RUFY2: variants seen among roughly 807,000 people sequenced by gnomAD.
RUFY2 encodes the protein RUN and FYVE domain-containing protein 2.
A neutral mutation model predicts 94.4 loss-of-function variants in RUFY2; 49 were observed. The ratio of observed to expected loss-of-function variants is 0.52; its 90% CI spans 0.41 to 0.66. RUFY2 has a LOEUF of 0.66. RUFY2 is among the 30% of genes least tolerant of loss of function. The probability of loss-of-function intolerance (pLI) is 0.00; values close to 1 mark genes in which losing one functional copy is unlikely to be tolerated. For missense variants in RUFY2, 541 were observed against 692.8 expected, an observed-to-expected ratio of 0.78 and a Z score of 2.46; for synonymous variants, 255 against 235.7, an observed-to-expected ratio of 1.08 and a Z score of -0.75.
rs527887828 is a variant in RUFY2 at position 68,400,738 on chromosome 10, C to T, written c.296+882G>A. Among the ~76,000 whole-genome samples, 935 of 150,722 alleles carry T rather than the reference C, an allele frequency of 6.2e-3. 17 individuals are homozygous for T. The highest frequency in any genetic ancestry group is 0.022 in the African/African-American group (898 of 41,050). On this transcript the variant is annotated intron_variant, in intron 3 of 17. Transcript: ENST00000602465. Reference sequence around the variant, plus strand: ...AAAAAAAAAAAGAATATAGGCTTGGCGCGGTGGCTCACGCCTGTAATCCCA... The same window carrying T: ...AAAAAAAAAAAGAATATAGGCTTGGTGCGGTGGCTCACGCCTGTAATCCCA...
chr10:68,341,838 T>C (rs761323979), downstream of RUFY2: 1 of 1,610,364 alleles, frequency 6.2e-7, no homozygotes, highest in Non-Finnish European at 8.5e-7. Context: ...CTCCTGATGG[T>C]TTGGGTGGTT....
chr10:68,360,455 T>C (rs772510887), intron 15 of RUFY2, among the ~76,000 whole-genome samples: 3 of 151,828 alleles, frequency 2.0e-5, no homozygotes, highest in Non-Finnish European at 4.4e-5. Flanking sequence ...AAAAAAATAA[T>C]CTTTCAGGCC....
At chr10:68,370,782 T>C (rs1446268444) in intron 13 of RUFY2, among the ~76,000 whole-genome samples, 1 of 151,934 alleles carries the variant, frequency 6.6e-6, no homozygotes, top group African/African-American at 2.4e-5. Context: ...ATGAATGAAT[T>C]TGAAAATATA....
intron 1 of RUFY2, chr10:68,405,334 G>T (rs1171995176): frequency 1.3e-4 from 36 of 266,958 alleles, no homozygotes; most frequent in Non-Finnish European, 1.9e-4. Context: ...AAAAGAAAAA[G>T]AAAGAAAGAA....
Position 68,345,529 on chromosome 10 carries a change from C to A in RUFY2, c.*239G>T, listed in dbSNP as rs3781568. 0.13 allele frequency: 59,478 copies of A among 469,682 alleles called. 4,473 individuals carry two copies. The highest frequency in any genetic ancestry group is 0.22 in the South Asian group (4,473 of 20,558). 29.1% of individuals were successfully genotyped at this position (469,682 alleles called of 1,614,324 possible). ...TAAGGCAAGTTGTGTTAGCTCTGCT[C>A]TCTGGCCTTTTAATGAGTTACATGA... On this transcript the variant is annotated 3_prime_UTR_variant, in exon 18 of 18. Transcript: ENST00000602465.
At position 68,344,030 on chromosome 10, in the gene RUFY2, A is replaced by T. The variant is rs2046134441; in HGVS notation, c.*1738T>A. On this transcript the variant is annotated 3_prime_UTR_variant, in exon 18 of 18. Coordinates refer to ENST00000602465, the MANE Select transcript of RUFY2 (RefSeq NM_001330103.2). ...TTTTGTTTATTCAGTAATCATAAAA[A>T]TGTTAGCCCATCCCACCTATCAATA... 1 of 152,148 alleles carries T rather than the reference A, an allele frequency of 6.6e-6. No individual in the cohort carries two copies. Among genetic ancestry groups the T allele is most frequent in the African/African-American group, 2.4e-5 (1 of 41,446 alleles). The allele number at this position is 152,148 out of a possible 1,614,324, so 9.4% of individuals were successfully genotyped here.
intron 15 of RUFY2, among the ~76,000 whole-genome samples, chr10:68,362,123 A>C (rs1228760866): frequency 1.3e-5 from 2 of 152,036 alleles, no homozygotes; most frequent in Non-Finnish European, 2.9e-5. Context: ...CCAGGAGTTC[A>C]AGACCAGCCT....
intron 12 of RUFY2, chr10:68,377,811 CA>C (rs1002607667): frequency 3.0e-5 from 30 of 985,158 alleles, no homozygotes; most frequent in Non-Finnish European, 3.6e-5. Flanking sequence ...CAGGAAATCA[CA>C]AGAGAAATTT....
chr10:68,371,615 C>T (rs1385539158), intron 13 of RUFY2, among the ~76,000 whole-genome samples: 1 of 151,126 alleles, frequency 6.6e-6, no homozygotes. Context: ...ACCCAACATT[C>T]ACGGTATCAG....
chr10:68,354,478 T>C (rs148061274), intron 16 of RUFY2, among the ~76,000 whole-genome samples: 189 of 152,264 alleles, frequency 1.2e-3, no homozygotes, highest in African/African-American at 4.5e-3. Flanking sequence ...GTAACACTTT[T>C]TGATTTTAAA....
At chr10:68,404,332 G>T (rs1441833814) in intron 2 of RUFY2, among the ~76,000 whole-genome samples, 1 of 151,578 alleles carries the variant, frequency 6.6e-6, no homozygotes, top group Non-Finnish European at 1.5e-5. Flanking sequence ...TGTTCAACAG[G>T]GTTCGAACTA....
chr10:68,341,286 T>C, downstream of RUFY2: 3 of 1,601,456 alleles, frequency 1.9e-6, no homozygotes, highest in Non-Finnish European at 2.5e-6. Flanking sequence ...GTAGCTGCCA[T>C]GTCTAAAGAT....
At chr10:68,405,755 G>A (rs375437754) in intron 1 of RUFY2, 11 of 963,042 alleles carry the variant, frequency 1.1e-5, no homozygotes, top group East Asian at 2.3e-4. Context: ...GTTCTGTATT[G>A]CATGACTGTT....
chr10:68,372,781 C>A (rs1589864454), intron 13 of RUFY2, among the ~76,000 whole-genome samples: 1 of 151,840 alleles, frequency 6.6e-6, no homozygotes, highest in African/African-American at 2.4e-5. Flanking sequence ...TGGTGACATG[C>A]ACCTGTAGTC....
At chr10:68,406,121 T>A (rs148911123) in intron 1 of RUFY2, among the ~76,000 whole-genome samples, 1 of 150,972 alleles carries the variant, frequency 6.6e-6, no homozygotes, top group African/African-American at 2.5e-5. Flanking sequence ...TTTCATAATC[T>A]CTGACAAATT....
At chr10:68,401,937 T>A (rs2050880694) in intron 2 of RUFY2, among the ~76,000 whole-genome samples, 200 bp from the exon 3 acceptor site, 1 of 152,154 alleles carries the variant, frequency 6.6e-6, no homozygotes, top group East Asian at 1.9e-4. Context: ...TTTTTCCACA[T>A]GATAAAAAGA....
intron 10 of RUFY2, 129 bp from the exon 11 acceptor site, chr10:68,381,528 C>A: frequency 1.3e-6 from 1 of 779,974 alleles, no homozygotes; most frequent in Non-Finnish European, 2.0e-6. Flanking sequence ...ATCAACCAGG[C>A]CCTATAACAA....
chr10:68,375,527 C>G (rs2048571308), intron 13 of RUFY2, among the ~76,000 whole-genome samples: 1 of 152,014 alleles, frequency 6.6e-6, no homozygotes, highest in South Asian at 2.1e-4. Flanking sequence ...GTAATCCCAG[C>G]ACTTTGGGAG....
chr10:68,375,257 A>C (rs1031491905), intron 13 of RUFY2, among the ~76,000 whole-genome samples: 1 of 147,202 alleles, frequency 6.8e-6, no homozygotes, highest in Non-Finnish European at 1.5e-5. Flanking sequence ...AGGGAGCTAA[A>C]TGATAAGAAC....
Sources: gnomAD v4.1 joint callset for allele counts (sites outside exome capture counted in the v4.1 genomes callset) on GRCh38, gnomAD v4.1.1 for gene constraint, MANE v1.5 for transcripts, NCBI Gene and HGNC (gene_info 2026-07-23, HGNC 2026-07-21) for gene names.